Variants in RILPL1 observed in about 807,000 individuals in gnomAD.
RILPL1 encodes the protein Rab interacting lysosomal protein like 1.
In RILPL1, 33 loss-of-function variants were observed where a neutral mutation model predicts 50.3. The ratio of observed to expected loss-of-function variants is 0.66; its 90% CI spans 0.50 to 0.88. RILPL1 has a LOEUF of 0.88. Among genes scored for constraint, RILPL1 ranks in the 40% least tolerant of loss-of-function variants. The pLI, the probability that RILPL1 is intolerant of heterozygous loss-of-function variation, is 0.00. For missense variants in RILPL1, 418 were observed against 542.5 expected (o/e 0.77, Z 2.28); for synonymous variants, 205 against 228.6 (o/e 0.90, Z 0.93).
intron 1 of RILPL1, among the ~76,000 whole-genome samples, chr12:123,524,999 G>A (rs542267108): frequency 6.6e-6 from 1 of 152,266 alleles, no homozygotes; most frequent in South Asian, 2.1e-4. Context: ...GGGTGTGGTG[G>A]TGGGCACCTG....
chr12:123,523,745 G>A, intron 1 of RILPL1, 100 bp from the exon 2 acceptor site: 2 of 1,379,590 alleles, frequency 1.4e-6, no homozygotes, highest in Non-Finnish European at 2.0e-6. Flanking sequence ...GGGACTTTGG[G>A]CCATCCCCTT....
intron 6 of RILPL1, 90 bp from the exon 7 acceptor site, chr12:123,472,772 A>G: frequency 7.2e-7 from 1 of 1,381,954 alleles, no homozygotes; most frequent in South Asian, 1.3e-5. Context: ...TATAGCAGCA[A>G]ACTTAGAAGG....
chr12:123,495,822 A>C (rs1220025288), intron 4 of RILPL1, among the ~76,000 whole-genome samples: 8 of 150,714 alleles, frequency 5.3e-5, no homozygotes, highest in Non-Finnish European at 1.2e-4. Context: ...CTGGGACTAC[A>C]GGCGCACACC....
At chr12:123,517,424 G>GT (rs59944903) in intron 2 of RILPL1, among the ~76,000 whole-genome samples, 2,270 of 131,878 alleles carry the variant, frequency 0.017, 27 homozygotes, top group Middle Eastern at 0.053. Context: ...TGTTGTTATT[G>GT]TTTTTTTTTT....
chr12:123,500,835 T>C (rs1883334830), intron 2 of RILPL1, among the ~76,000 whole-genome samples: 1 of 152,008 alleles, frequency 6.6e-6, no homozygotes, highest in Non-Finnish European at 1.5e-5. Context: ...CCAGGCGTGG[T>C]GGCTCATGCC....
chr12:123,499,039 A>AT (rs1018672349), intron 3 of RILPL1, among the ~76,000 whole-genome samples: 15 of 152,212 alleles, frequency 9.9e-5, no homozygotes, highest in African/African-American at 3.4e-4. Context: ...AGAAAGGGGC[A>AT]TTTTTTTCTG....
intron 6 of RILPL1, chr12:123,475,531 T>A: frequency 1.5e-6 from 1 of 668,466 alleles, no homozygotes; most frequent in Admixed American, 2.1e-5. Flanking sequence ...AACATCCACG[T>A]CAAATGGAGC....
rs756873159 is a variant in RILPL1, at chr12:123,472,710, T to C, written c.1068-28A>G. 10 of 1,584,354 alleles carry C rather than the reference T, an allele frequency of 6.3e-6. No homozygotes were observed. The East Asian group carries it at 1.8e-4, about 29-fold the overall frequency. ...TTGGAAGGGAAAGCAAACACAGAAA[T>C]GAGAGCTGACCCTTTGCTGTGCAAG... is the stretch of plus-strand genomic sequence containing the variant. On this transcript the variant is annotated intron_variant, in intron 6 of 6. Coordinates refer to ENST00000376874, the MANE Select transcript of RILPL1 (RefSeq NM_178314.5).
intron 6 of RILPL1, among the ~76,000 whole-genome samples, chr12:123,481,859 A>C (rs1216631598): frequency 6.9e-6 from 1 of 145,598 alleles, no homozygotes; most frequent in Non-Finnish European, 1.5e-5. Flanking sequence ...GCCCAGCCCC[A>C]AATTTGTTTT....
intron 5 of RILPL1, 84 bp from the exon 6 acceptor site, chr12:123,484,356 T>C: frequency 3.3e-6 from 3 of 918,194 alleles, no homozygotes; most frequent in Non-Finnish European, 3.6e-6. Flanking sequence ...TGTCTGATGG[T>C]CTGAGAGGGT....
At chr12:123,486,204 G>A (rs945993550) in intron 4 of RILPL1, among the ~76,000 whole-genome samples, 6 of 152,154 alleles carry the variant, frequency 3.9e-5, no homozygotes, top group African/African-American at 1.4e-4. Flanking sequence ...TGGCCAGAGT[G>A]GCTGGAATCT....
chr12:123,533,153 C>T lies in RILPL1; in HGVS notation c.309+21G>A. The T allele has an allele frequency of 6.6e-7, 1 of 1,512,586 alleles. No individual in the cohort carries two copies. Among genetic ancestry groups the T allele is most frequent in the Non-Finnish European group, 8.8e-7 (1 of 1,130,702 alleles). 93.7% of individuals were successfully genotyped at this position (1,512,586 alleles called of 1,614,324 possible). On this transcript the variant is annotated intron_variant, in intron 1 of 6. Transcript: ENST00000376874. This position sits in a 1 kb window ranked among gnomAD's most constrained non-coding sequence, Gnocchi z 6.2. ...CCCGCGGTCCCACTGCCCGGACGGA[C>T]AGACCGAGGCCGCCGCCCACCTTCT...
intron 6 of RILPL1, among the ~76,000 whole-genome samples, chr12:123,483,048 C>T (rs1257965033): frequency 6.6e-6 from 1 of 152,224 alleles, no homozygotes; most frequent in Non-Finnish European, 1.5e-5. Flanking sequence ...TAACACTCCA[C>T]TTCCTCTCCC....
At chr12:123,475,487 G>A (rs1300296737) in intron 6 of RILPL1, 15 of 606,286 alleles carry the variant, frequency 2.5e-5, no homozygotes, top group African/African-American at 9.2e-5. Flanking sequence ...CGAGTAGACC[G>A]AGCGCAGCCA....
intron 2 of RILPL1, among the ~76,000 whole-genome samples, chr12:123,510,326 G>A (rs1412450081): frequency 1.3e-5 from 2 of 152,178 alleles, no homozygotes; most frequent in Non-Finnish European, 2.9e-5. Context: ...CACGGCTAAC[G>A]CTTCCCAGAA....
In RILPL1 at chr12:123,523,598, G is replaced by A. The variant is rs1199647771; in HGVS notation, c.357C>T (p.Leu119=). ...CCTGCAGCTGGGCGATCTGGGAGAG[G>A]AGGTCCTGCGCCTCCCCTCGCCACA... ...EDVWRGEAQD[L]LSQIAQLQEE... Residue 119 remains leucine, a synonymous_variant, in exon 2 of 7, where the codon CTC becomes CTT. Transcript: ENST00000376874. 6.2e-7 allele frequency: 1 copy of A among 1,613,856 alleles called. No individual in the cohort carries two copies. The highest frequency in any genetic ancestry group is 1.3e-5 in the African/African-American group (1 of 74,934).
chr12:123,480,362 C>T lies in RILPL1; in HGVS notation c.1067+3818G>A, dbSNP rs370282801. On this transcript the variant is annotated intron_variant, in intron 6 of 6. Transcript: ENST00000376874. The stretch of plus-strand genomic sequence containing the variant: ...ATTTTTAGTAGAGATGGGGGTTTCA[C>T]CATGTAGGCCACACTGGTCTCGAAC... Among the ~76,000 whole-genome samples, 5 of 151,926 alleles carry T rather than the reference C, an allele frequency of 3.3e-5. No homozygotes were observed. The South Asian group carries it at 1.0e-3, about 32-fold the overall frequency.
intron 1 of RILPL1, among the ~76,000 whole-genome samples, chr12:123,529,835 T>C (rs201855082): frequency 6.7e-6 from 1 of 150,190 alleles, no homozygotes; most frequent in Non-Finnish European, 1.5e-5. Flanking sequence ...GATGCCATCA[T>C]TGCTCTCTGG....
At chr12:123,475,897 A>ATTTTTTTTTTTTTTTTTTTTTTTTTTT (rs375190049) in intron 6 of RILPL1, 1 of 344,154 alleles carries the variant, frequency 2.9e-6, no homozygotes, top group African/African-American at 3.0e-5. Flanking sequence ...TTCACTTAAA[A>ATTTTTTTTTTTTTTTTTTTTTTTTTTT]TTTTTTTTTT....
Sources: allele counts gnomAD v4.1 joint callset (sites outside exome capture counted in the v4.1 genomes callset), GRCh38; gene constraint gnomAD v4.1.1; non-coding constraint Gnocchi (gnomAD v3.1); transcripts MANE v1.5; gene names NCBI Gene and HGNC (gene_info 2026-07-23, HGNC 2026-07-21).